Variants in THSD4 observed in about 807,000 individuals in gnomAD.
THSD4 encodes thrombospondin type 1 domain containing 4.
A neutral mutation model predicts 119.0 loss-of-function variants in THSD4; 69 were observed. The observed-to-expected ratio is 0.58, with a 90% CI of 0.48 to 0.71. The LOEUF (loss-of-function observed/expected upper bound fraction) is 0.71, where lower values mean the gene tolerates loss of function less well. Among genes scored for constraint, THSD4 ranks in the 30% least tolerant of loss-of-function variants. The pLI is 0.00. For missense variants in THSD4, 1,393 were observed against 1,391.1 expected, an observed-to-expected ratio of 1.00 and a Z score of -0.02; for synonymous variants, 524 against 540.4, an observed-to-expected ratio of 0.97 and a Z score of 0.42.
chr15:71,705,194 G>C (rs985439225), intron 8 of THSD4, among the ~76,000 whole-genome samples: 6 of 152,186 alleles, frequency 3.9e-5, no homozygotes, highest in African/African-American at 1.4e-4. Context: ...GGGCCAGAGG[G>C]ATGGGCACCC....
At chr15:71,202,800 G>A (rs1333198896) in intron 3 of THSD4, among the ~76,000 whole-genome samples, 6 of 151,948 alleles carry the variant, frequency 3.9e-5, no homozygotes, top group African/African-American at 7.3e-5. Context: ...GAGGGGGTGG[G>A]CATCTCTTGG....
intron 6 of THSD4, among the ~76,000 whole-genome samples, chr15:71,366,902 A>G (rs1168851675): frequency 6.6e-6 from 1 of 152,196 alleles, no homozygotes. Flanking sequence ...CGCCCTTCTC[A>G]TACTGTGAAG....
chr15:71,549,554 A>G (rs1420463975), intron 7 of THSD4: 1 of 152,184 alleles, frequency 6.6e-6, no homozygotes, highest in East Asian at 1.9e-4. Context: ...TGTGGCATTT[A>G]TTTATAACAG....
chr15:71,275,548 C>T (rs535247535), intron 6 of THSD4, among the ~76,000 whole-genome samples: 1 of 152,312 alleles, frequency 6.6e-6, no homozygotes, highest in East Asian at 1.9e-4. Context: ...GAATATGCAA[C>T]TTATATTTAA....
intron 7 of THSD4, among the ~76,000 whole-genome samples, chr15:71,511,993 A>G (rs759134500): frequency 8.5e-5 from 13 of 152,202 alleles, no homozygotes; most frequent in Admixed American, 8.5e-4. Flanking sequence ...TGTTTGGGCC[A>G]TCTAGGCAAT....
At chr15:71,232,402 G>A (rs2044068762) in intron 4 of THSD4, among the ~76,000 whole-genome samples, 2 of 152,228 alleles carry the variant, frequency 1.3e-5, no homozygotes, top group Non-Finnish European at 2.9e-5. Flanking sequence ...CTCAGAGCTA[G>A]TCTCAGGGAT....
At chr15:71,387,620 A>G (rs2044029) in intron 6 of THSD4, among the ~76,000 whole-genome samples, 92,479 of 152,058 alleles carry the variant, frequency 0.61, 28,273 homozygotes, top group East Asian at 0.72. Flanking sequence ...TTACTTTCCC[A>G]AAAGCTGTAC....
At chr15:71,494,223 G>A (rs1324448394) in intron 7 of THSD4, among the ~76,000 whole-genome samples, 1 of 152,276 alleles carries the variant, frequency 6.6e-6, no homozygotes, top group African/African-American at 2.4e-5. Context: ...TGCAAACTGA[G>A]CATCTGCGGG....
chr15:71,503,643 C>T (rs2048146267), intron 7 of THSD4, among the ~76,000 whole-genome samples: 1 of 152,148 alleles, frequency 6.6e-6, no homozygotes, highest in Non-Finnish European at 1.5e-5. Context: ...ACCCTGCCTT[C>T]CACATACTCA....
At chr15:71,490,737 AAATT>A (rs2047905932) in intron 7 of THSD4, among the ~76,000 whole-genome samples, 1 of 152,164 alleles carries the variant, frequency 6.6e-6, no homozygotes, top group African/African-American at 2.4e-5. Context: ...TCAAAAAAAT[AAATT>A]AATTAATTAT....
intron 8 of THSD4, among the ~76,000 whole-genome samples, chr15:71,703,323 C>G (rs941063704): frequency 6.6e-6 from 1 of 152,120 alleles, no homozygotes; most frequent in Non-Finnish European, 1.5e-5. Context: ...CCAGAAATCT[C>G]TATTATTATT....
chr15:71,167,661 T>C (rs948069522), intron 3 of THSD4, among the ~76,000 whole-genome samples: 3 of 152,196 alleles, frequency 2.0e-5, no homozygotes, highest in African/African-American at 7.2e-5. Flanking sequence ...TGTGGCAAAA[T>C]CTACTCACAA....
At chr15:71,705,689 A>C (rs1222881665) in intron 8 of THSD4, among the ~76,000 whole-genome samples, 1 of 152,170 alleles carries the variant, frequency 6.6e-6, no homozygotes, top group Non-Finnish European at 1.5e-5. Flanking sequence ...CAGCTTTTTC[A>C]TCAGTGGGGA....
chr15:71,612,365 A>T (rs1156858834), intron 7 of THSD4, among the ~76,000 whole-genome samples: 1 of 152,214 alleles, frequency 6.6e-6, no homozygotes, highest in Non-Finnish European at 1.5e-5. Context: ...CTTGTGTAAG[A>T]TGGTTCCTTG....
At position 71,757,952 on chromosome 15, in the gene THSD4, G is replaced by A; in HGVS notation, c.2466G>A (p.Met822Ile). The change falls in exon 15 of 18, where the codon ATG becomes ATA. Residue 822 changes from methionine to isoleucine, a missense_variant. Transcript: ENST00000261862. ...TGCGGACACGCTCGGTGGTGTGCAT[G>A]ACCAACCATGTCAGCAGCCTGCCCC... is the stretch of plus-strand genomic sequence containing the variant. ...AGVRTRSVVC[M>I]TNHVSSLPLE... 1 of 1,613,954 alleles carries A rather than the reference G, an allele frequency of 6.2e-7. No homozygotes were observed. Among genetic ancestry groups the A allele is most frequent in the Non-Finnish European group, 8.5e-7 (1 of 1,180,026 alleles).
intron 7 of THSD4, among the ~76,000 whole-genome samples, chr15:71,642,495 G>A (rs2050878358): frequency 1.3e-5 from 2 of 152,046 alleles, no homozygotes; most frequent in Admixed American, 1.3e-4. Context: ...AAAGACACAT[G>A]CACACGTATG....
chr15:71,644,112 A>T (rs1246450799), intron 7 of THSD4, among the ~76,000 whole-genome samples: 1 of 152,234 alleles, frequency 6.6e-6, no homozygotes, highest in Non-Finnish European at 1.5e-5. Context: ...AATTAGCCCC[A>T]GTGACTGTCC....
chr15:71,549,936 G>A (rs1450602256), intron 7 of THSD4: 1 of 152,474 alleles, frequency 6.6e-6, no homozygotes, highest in Non-Finnish European at 1.5e-5. Flanking sequence ...GGCACTGTCA[G>A]TGCTGGTGAC....
At chr15:71,370,283 C>T (rs2046026540) in intron 6 of THSD4, among the ~76,000 whole-genome samples, 1 of 152,156 alleles carries the variant, frequency 6.6e-6, no homozygotes, top group Non-Finnish European at 1.5e-5. Flanking sequence ...CTATCTCCTT[C>T]AGTTCTGCTC....
Sources: gnomAD v4.1 joint callset for allele counts (sites outside exome capture counted in the v4.1 genomes callset) on GRCh38, gnomAD v4.1.1 for gene constraint, MANE v1.5 for transcripts, NCBI Gene and HGNC (gene_info 2026-07-23, HGNC 2026-07-21) for gene names.